The following LMNTD1 variants were observed in gnomAD, a reference collection of about 807,000 sequenced individuals.
LMNTD1 encodes the protein lamin tail domain containing 1.
LMNTD1 carries 35 observed loss-of-function variants against 50.9 expected under a neutral mutation model. The observed-to-expected ratio is 0.69, with a 90% confidence interval of 0.53 to 0.91. LMNTD1 has a LOEUF of 0.91. LMNTD1 is among the 40% of genes least tolerant of loss of function. LMNTD1 has a pLI of 0.00. For synonymous variants in LMNTD1, 153 were observed against 161.9 expected (o/e 0.94, Z 0.42); for missense variants, 470 against 475.5 (o/e 0.99, Z 0.11).
At chr12:25,482,107 A>C (rs1938465783) in intron 9 of LMNTD1, among the ~76,000 whole-genome samples, 2 of 152,132 alleles carry the variant, frequency 1.3e-5, no homozygotes, top group Non-Finnish European at 1.5e-5. Flanking sequence ...TGGATGCAAA[A>C]AATGAAGAAG....
chr12:25,481,733 TC>T (rs1476333282), intron 9 of LMNTD1, among the ~76,000 whole-genome samples: 1 of 151,290 alleles, frequency 6.6e-6, no homozygotes, highest in Non-Finnish European at 1.5e-5. Context: ...TCTTTAAATC[TC>T]TGAAGAGGGT....
chr12:25,608,390 TA>T (rs1473804107), intron 1 of LMNTD1, among the ~76,000 whole-genome samples: 8 of 152,226 alleles, frequency 5.3e-5, no homozygotes, highest in African/African-American at 1.9e-4. Flanking sequence ...GTTAGCTGGT[TA>T]TTTTGCCGGT....
intron 1 of LMNTD1, among the ~76,000 whole-genome samples, chr12:25,566,237 C>T (rs1378483468): frequency 6.6e-6 from 1 of 152,090 alleles, no homozygotes; most frequent in Non-Finnish European, 1.5e-5. Context: ...TAGAATTGCC[C>T]TTTCAAGTCT....
At chr12:25,627,086 C>A (rs1262524096) in intron 1 of LMNTD1, among the ~76,000 whole-genome samples, 1 of 152,164 alleles carries the variant, frequency 6.6e-6, no homozygotes, top group Non-Finnish European at 1.5e-5. Context: ...TTTCTCCCAA[C>A]TCTCTGAGCT....
intron 9 of LMNTD1, among the ~76,000 whole-genome samples, chr12:25,499,306 C>T (rs1025521825): frequency 6.6e-6 from 1 of 152,100 alleles, no homozygotes; most frequent in Non-Finnish European, 1.5e-5. Context: ...ACTCCCACCT[C>T]GGCCTCCCAA....
intron 1 of LMNTD1, among the ~76,000 whole-genome samples, chr12:25,564,050 C>A (rs183573712): frequency 6.6e-6 from 1 of 152,304 alleles, no homozygotes; most frequent in African/African-American, 2.4e-5. Context: ...TACCACCCAT[C>A]ATGGCTTCCC....
chr12:25,623,350 G>C (rs1233919599), intron 1 of LMNTD1, among the ~76,000 whole-genome samples: 5 of 151,704 alleles, frequency 3.3e-5, no homozygotes, highest in Admixed American at 2.6e-4. Context: ...AGGAGTTCGA[G>C]ACCAGCCTGG....
At chr12:25,553,616 A>C (rs1394127605), upstream of LMNTD1, among the ~76,000 whole-genome samples, 2 of 152,186 alleles carry the variant, frequency 1.3e-5, no homozygotes, top group East Asian at 1.9e-4. Context: ...CAAGAATAGA[A>C]ACCATAAAAC....
chr12:25,548,033 T>G (rs960713614), intron 3 of LMNTD1, among the ~76,000 whole-genome samples: 13 of 151,840 alleles, frequency 8.6e-5, no homozygotes, highest in African/African-American at 3.1e-4. Context: ...GATGATATAA[T>G]GATGAATGAT....
At chr12:25,569,119 T>A (rs771908400) in intron 1 of LMNTD1, among the ~76,000 whole-genome samples, 1 of 152,164 alleles carries the variant, frequency 6.6e-6, no homozygotes, top group East Asian at 1.9e-4. Flanking sequence ...CTCCAACCCA[T>A]GAAGGCAGCT....
chr12:25,626,831 T>C (rs1306525805), intron 1 of LMNTD1, among the ~76,000 whole-genome samples: 2 of 152,196 alleles, frequency 1.3e-5, no homozygotes, highest in South Asian at 2.1e-4. Flanking sequence ...CAATTCTCAA[T>C]AAGCTTGACC....
chr12:25,608,040 T>C (rs1946154185), intron 1 of LMNTD1, among the ~76,000 whole-genome samples: 1 of 152,186 alleles, frequency 6.6e-6, no homozygotes, highest in Non-Finnish European at 1.5e-5. Context: ...CATATATATT[T>C]AGGATAGTTA....
intron 1 of LMNTD1, among the ~76,000 whole-genome samples, chr12:25,579,246 T>G (rs2136406370): frequency 1.3e-5 from 2 of 152,290 alleles, no homozygotes; most frequent in South Asian, 4.1e-4. Flanking sequence ...AAATGAATAG[T>G]TGCATCTGTA....
intron 1 of LMNTD1, among the ~76,000 whole-genome samples, chr12:25,590,081 A>G (rs925061294): frequency 5.3e-5 from 8 of 150,000 alleles, no homozygotes; most frequent in African/African-American, 1.7e-4. Context: ...AAGCACCTCT[A>G]TAAGAACCAA....
chr12:25,481,842 A>C (rs1938454456), intron 9 of LMNTD1, among the ~76,000 whole-genome samples: 1 of 147,692 alleles, frequency 6.8e-6, no homozygotes, highest in African/African-American at 2.5e-5. Flanking sequence ...GAGGTCATCA[A>C]CATATAGTAA....
At chr12:25,496,236 C>T (rs1292207333) in intron 9 of LMNTD1, among the ~76,000 whole-genome samples, 1 of 152,082 alleles carries the variant, frequency 6.6e-6, no homozygotes, top group African/African-American at 2.4e-5. Flanking sequence ...TGGCCATAGT[C>T]ACCAGAGCCC....
chr12:25,479,585 C>T (rs1441286206), intron 9 of LMNTD1, among the ~76,000 whole-genome samples: 1 of 152,106 alleles, frequency 6.6e-6, no homozygotes, highest in African/African-American at 2.4e-5. Flanking sequence ...GAGCATGAGC[C>T]CACTGCCGCA....
exon 1 of LMNTD1, chr12:25,648,535 C>T: frequency 1.3e-6 from 2 of 1,551,706 alleles, no homozygotes; most frequent in Non-Finnish European, 1.7e-6. Flanking sequence ...GTCTCCTGCT[C>T]TCACTGGCTG....
chr12:25,502,756 G>A (rs2135944256), intron 9 of LMNTD1, among the ~76,000 whole-genome samples: 1 of 152,308 alleles, frequency 6.6e-6, no homozygotes, highest in African/African-American at 2.4e-5. Context: ...TAGGAATGGA[G>A]AGAGTGGGCT....
Sources: allele counts gnomAD v4.1 joint callset (sites outside exome capture counted in the v4.1 genomes callset), GRCh38; gene constraint gnomAD v4.1.1; transcripts MANE v1.5; gene names NCBI Gene and HGNC (gene_info 2026-07-23, HGNC 2026-07-21).